TP73: variants seen among roughly 807,000 people sequenced by gnomAD.
The protein encoded by TP73 is p53-like transcription factor.
A neutral mutation model predicts 62.5 loss-of-function variants in TP73; 25 were observed. That is an observed-to-expected ratio of 0.40 (90% CI 0.29 to 0.56). The LOEUF is 0.56. TP73 is among the 20% of genes least tolerant of loss of function. The pLI, the probability that TP73 is intolerant of heterozygous loss-of-function variation, is 0.46. For synonymous variants in TP73, 423 were observed against 377.5 expected, an observed-to-expected ratio of 1.12 and a Z score of -1.40; for missense variants, 754 against 913.3, an observed-to-expected ratio of 0.83 and a Z score of 2.25.
intron 4 of TP73, among the ~76,000 whole-genome samples, chr1:3,713,530 C>T (rs1051186250): frequency 6.6e-6 from 1 of 152,200 alleles, no homozygotes; most frequent in Non-Finnish European, 1.5e-5. Context: ...GTTAGTTTTG[C>T]TTCCCGGTCT....
chr1:3,692,516 A>G (rs1052810308), intron 3 of TP73, among the ~76,000 whole-genome samples: 9 of 152,176 alleles, frequency 5.9e-5, no homozygotes, highest in Non-Finnish European at 1.2e-4. Flanking sequence ...TGATACATGT[A>G]TCCACCAACA....
intron 10 of TP73, 146 bp downstream of exon 10, chr1:3,729,594 A>C: frequency 1.4e-6 from 2 of 1,408,058 alleles, no homozygotes; most frequent in East Asian, 2.3e-5. Flanking sequence ...CCCACCCCAC[A>C]TCTCCTCCTC....
At chr1:3,690,636 T>G (rs1645791297) in intron 3 of TP73, 2 of 1,362,598 alleles carry the variant, frequency 1.5e-6, no homozygotes, top group Admixed American at 3.1e-5. Context: ...TGAATACTCA[T>G]GAGGAATAAA....
chr1:3,657,842 A>G (rs1570342887), intron 1 of TP73, among the ~76,000 whole-genome samples: 1 of 152,126 alleles, frequency 6.6e-6, no homozygotes, highest in Non-Finnish European at 1.5e-5. Context: ...ACTGTTCCAC[A>G]CACTCCAGCA....
At chr1:3,682,461 G>GC in intron 2 of TP73, 31 bp downstream of exon 2, 1 of 1,456,502 alleles carries the variant, frequency 6.9e-7, no homozygotes, top group Non-Finnish European at 9.2e-7. Context: ...AGAGCTGGGG[G>GC]CCCCCCTGGG....
intron 10 of TP73, 21 bp downstream of exon 10, chr1:3,729,469 C>T: frequency 2.5e-6 from 4 of 1,612,274 alleles, no homozygotes; most frequent in Non-Finnish European, 3.4e-6. Flanking sequence ...CCTAGCCCAC[C>T]ATCAGTGTGG....
At chr1:3,674,450 T>C (rs975064896) in intron 1 of TP73, among the ~76,000 whole-genome samples, 3 of 152,206 alleles carry the variant, frequency 2.0e-5, no homozygotes, top group Non-Finnish European at 1.5e-5. Flanking sequence ...AGGCGTGCCA[T>C]CTGTGGCGGT....
At chr1:3,711,691 A>G (rs1640153289) in intron 4 of TP73, among the ~76,000 whole-genome samples, 1 of 152,220 alleles carries the variant, frequency 6.6e-6, no homozygotes, top group South Asian at 2.1e-4. Flanking sequence ...ACAGCCCACG[A>G]GGCAGGCTGC....
chr1:3,653,093 C>A (rs1279995590), intron 1 of TP73, among the ~76,000 whole-genome samples: 1 of 152,258 alleles, frequency 6.6e-6, no homozygotes, highest in Non-Finnish European at 1.5e-5. Context: ...CTGTGCCAAT[C>A]CCGAGGCCTC....
intron 1 of TP73, among the ~76,000 whole-genome samples, chr1:3,677,466 A>G (rs1292031187): frequency 6.6e-6 from 1 of 152,150 alleles, no homozygotes; most frequent in Non-Finnish European, 1.5e-5. Context: ...AGCAGCCTAC[A>G]GCCTGGCTAC....
chr1:3,659,637 A>T (rs987642205), intron 1 of TP73, among the ~76,000 whole-genome samples: 3 of 152,118 alleles, frequency 2.0e-5, no homozygotes, highest in Non-Finnish European at 4.4e-5. Context: ...TGTTCTTTCT[A>T]CATCACCCCT....
At chr1:3,697,181 C>T (rs1367374637) in intron 3 of TP73, among the ~76,000 whole-genome samples, 3 of 107,752 alleles carry the variant, frequency 2.8e-5, no homozygotes, top group Non-Finnish European at 6.4e-5. Flanking sequence ...CCACGTCGCA[C>T]CCGCGGCCCA....
chr1:3,667,578 G>A (rs150768355), intron 1 of TP73, among the ~76,000 whole-genome samples: 67 of 152,072 alleles, frequency 4.4e-4, no homozygotes, highest in African/African-American at 1.4e-3. Flanking sequence ...GTGAAACCCC[G>A]TTTCTACTAA....
intron 3 of TP73, among the ~76,000 whole-genome samples, chr1:3,687,515 G>A (rs1186579681): frequency 6.6e-6 from 1 of 152,232 alleles, no homozygotes; most frequent in Non-Finnish European, 1.5e-5. Context: ...GGGCTTGGAA[G>A]CGAATCCCTG....
intron 3 of TP73, chr1:3,690,832 C>T (rs765859356): frequency 5.8e-5 from 90 of 1,545,404 alleles, no homozygotes; most frequent in Non-Finnish European, 6.8e-5. Context: ...CCCTTCCCCT[C>T]GGGCCGCCCA....
At chr1:3,682,463 C>A (rs769537164) in intron 2 of TP73, 33 bp downstream of exon 2, 1 of 1,451,808 alleles carries the variant, frequency 6.9e-7, no homozygotes, top group Non-Finnish European at 9.2e-7. Flanking sequence ...AGCTGGGGGC[C>A]CCCCTGGGAG....
intron 4 of TP73, among the ~76,000 whole-genome samples, chr1:3,719,071 GGCCCTTCTCCTTTTGCC>G (rs2124463137): frequency 6.6e-6 from 1 of 152,292 alleles, no homozygotes; most frequent in South Asian, 2.1e-4. Flanking sequence ...GGACCTCAGA[GGCCCTTCTCCTTTTGCC>G]GCCCCTGAGA....
intron 1 of TP73, among the ~76,000 whole-genome samples, chr1:3,675,102 G>GC (rs1352840852): frequency 7.5e-3 from 15 of 2,004 alleles, no homozygotes; most frequent in South Asian, 0.014. Context: ...TCCCACAATG[G>GC]CCCAGGTGTC....
rs372637148 is a variant in TP73, at chr1:3,729,985, G to C, written c.1197-15G>C. Reference sequence around the variant, plus strand: ...GCCTTGCTTCCCACCCATGCGAGCCGTTGCTTCTGAGCAGGAGTCACCTAC... The same window carrying C: ...GCCTTGCTTCCCACCCATGCGAGCCCTTGCTTCTGAGCAGGAGTCACCTAC... On this transcript the variant is annotated splice_polypyrimidine_tract_variant and intron_variant, in intron 10 of 13. Transcript: ENST00000378295. The C allele has an allele frequency of 5.7e-6, 9 of 1,573,696 alleles. No individual in the cohort carries two copies. The highest frequency in any genetic ancestry group is 3.4e-5 in the South Asian group (3 of 87,610).
Sources: allele counts gnomAD v4.1 joint callset (sites outside exome capture counted in the v4.1 genomes callset), GRCh38; gene constraint gnomAD v4.1.1; transcripts MANE v1.5; gene names NCBI Gene and HGNC (gene_info 2026-07-23, HGNC 2026-07-21).